The following MEI4 variants were observed in gnomAD, a reference collection of about 807,000 sequenced individuals.
MEI4 encodes the protein meiotic double-stranded break formation protein 4.
In MEI4, 27 loss-of-function variants were observed where a neutral mutation model predicts 31.4. The observed-to-expected ratio is 0.86, with a 90% CI of 0.63 to 1.19. The LOEUF (loss-of-function observed/expected upper bound fraction) is 1.19, where lower values mean the gene tolerates loss of function less well. Among genes scored for constraint, MEI4 ranks in the 50% most tolerant of loss-of-function variants. MEI4 has a pLI of 0.00. For synonymous variants in MEI4, 122 were observed against 145.4 expected, an observed-to-expected ratio of 0.84 and a Z score of 1.16; for missense variants, 329 against 398.9, an observed-to-expected ratio of 0.82 and a Z score of 1.49.
intron 4 of MEI4, among the ~76,000 whole-genome samples, chr6:77,907,569 G>C (rs1766325661): frequency 6.6e-6 from 1 of 152,126 alleles, no homozygotes; most frequent in African/African-American, 2.4e-5. Flanking sequence ...CCAAGTCTTT[G>C]CTATTGGGAA....
chr6:77,801,141 A>G (rs1769244182), intron 3 of MEI4, among the ~76,000 whole-genome samples: 3 of 152,138 alleles, frequency 2.0e-5, no homozygotes, highest in South Asian at 4.1e-4. Flanking sequence ...GTTGGTTGGT[A>G]AGCTATTAAT....
chr6:77,653,450 T>G (rs1768334089), intron 1 of MEI4, among the ~76,000 whole-genome samples: 1 of 152,156 alleles, frequency 6.6e-6, no homozygotes. Flanking sequence ...ATTTTGATGC[T>G]CTCTGGGTCA....
At chr6:77,677,131 T>C (rs565414189) in intron 1 of MEI4, among the ~76,000 whole-genome samples, 1 of 152,236 alleles carries the variant, frequency 6.6e-6, no homozygotes, top group African/African-American at 2.4e-5. Flanking sequence ...AGGTTTATTA[T>C]TACCTTTGAA....
rs376369594 is a variant in MEI4, at chr6:77,735,190, G to T, written c.233-25940G>T. On this transcript the variant is annotated intron_variant, in intron 2 of 4. Coordinates refer to ENST00000684080, the MANE Select transcript of MEI4 (RefSeq NM_001322247.2). The stretch of plus-strand genomic sequence containing the variant: ...ATTTGAATGTTGGCCTGCCTTGCTA[G>T]ATTGGGGAAGTTCTCCTGGATAATA... Among the ~76,000 whole-genome samples, 19 of 152,086 alleles carry T rather than the reference G, an allele frequency of 1.2e-4. No homozygotes were observed. In the East Asian group the frequency reaches 3.3e-3, roughly 26 times the overall value.
At chr6:77,696,299 A>G (rs1053293389) in intron 2 of MEI4, among the ~76,000 whole-genome samples, 6 of 152,124 alleles carry the variant, frequency 3.9e-5, no homozygotes, top group Non-Finnish European at 7.4e-5. Flanking sequence ...TTCCAACACT[A>G]TGTTGAATAG....
chr6:77,732,952 C>A (rs1461405712), intron 2 of MEI4, among the ~76,000 whole-genome samples: 1 of 151,000 alleles, frequency 6.6e-6, no homozygotes, highest in African/African-American at 2.4e-5. Flanking sequence ...TATATTGAAC[C>A]AGCCTTGCAT....
chr6:77,702,777 G>A (rs949184539), intron 2 of MEI4, among the ~76,000 whole-genome samples: 9 of 152,100 alleles, frequency 5.9e-5, no homozygotes, highest in South Asian at 4.1e-4. Context: ...TCACCACCAC[G>A]TCCTTCACAT....
intron 2 of MEI4, among the ~76,000 whole-genome samples, chr6:77,726,055 C>G: frequency 1.0e-5 from 1 of 100,172 alleles, no homozygotes; most frequent in African/African-American, 4.1e-5. Flanking sequence ...CCTGGCTTTC[C>G]TAGGCAGAGG....
At chr6:77,836,284 A>G (rs1770217768) in intron 4 of MEI4, among the ~76,000 whole-genome samples, 1 of 152,174 alleles carries the variant, frequency 6.6e-6, no homozygotes, top group African/African-American at 2.4e-5. Flanking sequence ...TAGCCAAGCT[A>G]TTAAAAATGA....
chr6:77,801,771 G>T (rs1769268130), intron 3 of MEI4, among the ~76,000 whole-genome samples: 1 of 152,172 alleles, frequency 6.6e-6, no homozygotes, highest in Non-Finnish European at 1.5e-5. Context: ...CAGTTTCCAT[G>T]TAGTTGAGCG....
At chr6:77,722,868 C>G (rs1249843054) in intron 2 of MEI4, among the ~76,000 whole-genome samples, 82 of 129,704 alleles carry the variant, frequency 6.3e-4, no homozygotes, top group African/African-American at 2.4e-3. Flanking sequence ...ACCCTTCAAA[C>G]TGTTTTCCTT....
intron 4 of MEI4, among the ~76,000 whole-genome samples, chr6:77,831,821 T>A (rs1422816705): frequency 6.6e-6 from 1 of 151,956 alleles, no homozygotes; most frequent in Non-Finnish European, 1.5e-5. Flanking sequence ...GTTCTAGTAT[T>A]CAATAGTACA....
intron 4 of MEI4, among the ~76,000 whole-genome samples, chr6:77,839,448 C>T (rs1474420624): frequency 2.0e-5 from 3 of 152,086 alleles, no homozygotes. Context: ...TGGAGAAGGG[C>T]ATCCTTAATT....
intron 3 of MEI4, among the ~76,000 whole-genome samples, chr6:77,775,782 C>A (rs1407347975): frequency 6.6e-6 from 1 of 152,114 alleles, no homozygotes; most frequent in African/African-American, 2.4e-5. Flanking sequence ...AACTGTTTTC[C>A]ATAGCAGTTG....
At chr6:77,771,163 G>A (rs1169075139) in intron 3 of MEI4, among the ~76,000 whole-genome samples, 2 of 152,060 alleles carry the variant, frequency 1.3e-5, no homozygotes, top group African/African-American at 2.4e-5. Context: ...AGACATACAT[G>A]TGGCTAACAA....
chr6:77,883,018 ATAATTGC>A (rs1771525095), intron 4 of MEI4, among the ~76,000 whole-genome samples: 1 of 152,120 alleles, frequency 6.6e-6, no homozygotes, highest in Non-Finnish European at 1.5e-5. Context: ...TTTCCAGAAA[ATAATTGC>A]TTATAACGCA....
At chr6:77,791,325 T>C (rs1325686323) in intron 3 of MEI4, among the ~76,000 whole-genome samples, 1 of 151,892 alleles carries the variant, frequency 6.6e-6, no homozygotes, top group Non-Finnish European at 1.5e-5. Context: ...ATGTGGCACA[T>C]ATACACCATG....
intron 2 of MEI4, among the ~76,000 whole-genome samples, chr6:77,746,479 C>G (rs1254347861): frequency 6.6e-6 from 1 of 152,086 alleles, no homozygotes. Context: ...CTTTCACACT[C>G]AAACTGCAAC....
chr6:77,868,523 A>ATATATATATATATATG (rs1771113885), intron 4 of MEI4, among the ~76,000 whole-genome samples: 3 of 139,982 alleles, frequency 2.1e-5, no homozygotes, highest in African/African-American at 5.1e-5. Context: ...ATATATATAT[A>ATATATATATATATATG]TATATGCAGA....
Sources: gnomAD v4.1 joint callset for allele counts (sites outside exome capture counted in the v4.1 genomes callset) on GRCh38, gnomAD v4.1.1 for gene constraint, MANE v1.5 for transcripts, NCBI Gene and HGNC (gene_info 2026-07-23, HGNC 2026-07-21) for gene names.